CCDC85A: variants seen among roughly 807,000 people sequenced by gnomAD.
The protein encoded by CCDC85A is coiled-coil domain containing 85A, also known as coiled-coil domain-containing protein 85A.
Under a neutral mutation model 50.2 loss-of-function variants are expected in CCDC85A, and 38 were observed. The observed-to-expected ratio is 0.76, with a 90% CI of 0.58 to 0.99. The LOEUF (loss-of-function observed/expected upper bound fraction) is 0.99. Ranked by LOEUF, CCDC85A falls within the 50% of genes least tolerant of loss-of-function variation. CCDC85A has a pLI of 0.00. For synonymous variants in CCDC85A, 366 were observed against 301.4 expected, an observed-to-expected ratio of 1.21 and a Z score of -2.22; for missense variants, 820 against 742.0, an observed-to-expected ratio of 1.11 and a Z score of -1.22.
At chr2:56,297,641 A>G (rs1672015482) in intron 2 of CCDC85A, among the ~76,000 whole-genome samples, 1 of 152,166 alleles carries the variant, frequency 6.6e-6, no homozygotes, top group Non-Finnish European at 1.5e-5. Context: ...GTTCTGTTGC[A>G]GGGGAAAGCC....
At chr2:56,382,974 AG>A (rs557365869) in intron 5 of CCDC85A, among the ~76,000 whole-genome samples, 129 of 152,100 alleles carry the variant, frequency 8.5e-4, no homozygotes, top group African/African-American at 2.9e-3. Flanking sequence ...CAATTTATTA[AG>A]AAATGAGACT....
At chr2:56,298,803 A>G (rs1280917587) in intron 2 of CCDC85A, among the ~76,000 whole-genome samples, 2 of 152,112 alleles carry the variant, frequency 1.3e-5, no homozygotes, top group African/African-American at 4.8e-5. Context: ...CATGCATACC[A>G]CTTCTGTTTA....
chr2:56,354,811 C>T (rs1013882294), intron 3 of CCDC85A, among the ~76,000 whole-genome samples: 5 of 152,124 alleles, frequency 3.3e-5, no homozygotes, highest in African/African-American at 4.8e-5. Flanking sequence ...TACTAGAAGA[C>T]GATTTAGGGT....
At chr2:56,333,345 C>A (rs1224057624) in intron 2 of CCDC85A, among the ~76,000 whole-genome samples, 1 of 152,064 alleles carries the variant, frequency 6.6e-6, no homozygotes, top group Non-Finnish European at 1.5e-5. Flanking sequence ...GAAGAGGGTA[C>A]AACTAAGGCA....
At chr2:56,227,119 G>T (rs775205790) in intron 2 of CCDC85A, among the ~76,000 whole-genome samples, 2 of 151,970 alleles carry the variant, frequency 1.3e-5, no homozygotes, top group Non-Finnish European at 2.9e-5. Context: ...TATTAGTCAG[G>T]CTTCTGAAAT....
Position 56,184,231 on chromosome 2 carries a change from C to A in CCDC85A, c.-394C>A, listed in dbSNP as rs1675889933. The A allele has an allele frequency of 1.0e-6, 1 of 971,258 alleles. No homozygotes were observed. The highest frequency in any genetic ancestry group is 1.2e-6 in the Non-Finnish European group (1 of 811,240). 60.2% of individuals were successfully genotyped at this position (971,258 alleles called of 1,614,324 possible). ...TGTGCGTGCACGCCTGTGTGCAGGG[C>A]AGAGAGTGCGGGGGGCGACAGTCTC... On this transcript the variant is annotated 5_prime_UTR_variant, in exon 1 of 6. Coordinates refer to ENST00000407595, the MANE Select transcript of CCDC85A (RefSeq NM_001080433.2).
At chr2:56,203,604 AAAAGGGAGCT>A (rs1463759122) in intron 2 of CCDC85A, among the ~76,000 whole-genome samples, 1 of 152,178 alleles carries the variant, frequency 6.6e-6, no homozygotes, top group Non-Finnish European at 1.5e-5. Context: ...ATTGATTTGA[AAAAGGGAGCT>A]AAGCTGGTTT....
chr2:56,329,090 C>G (rs1673628255), intron 2 of CCDC85A, among the ~76,000 whole-genome samples: 1 of 152,144 alleles, frequency 6.6e-6, no homozygotes, highest in African/African-American at 2.4e-5. Flanking sequence ...CTGCATCCTC[C>G]CTGTCTTCTC....
In CCDC85A at chr2:56,380,422, C is replaced by A. The variant is rs139524246; in HGVS notation, c.1573-3844C>A. Among the ~76,000 whole-genome samples, 405 of 151,988 alleles carry A rather than the reference C, an allele frequency of 2.7e-3. 2 individuals carry two copies. Among genetic ancestry groups the A allele is most frequent in the African/African-American group, 9.4e-3 (392 of 41,482 alleles). ...ACCTAAAAGATAGTTAGGCCAGGCA[C>A]AGTAGCACACACCTATAGTCCCAGC... On this transcript the variant is annotated intron_variant, in intron 5 of 5. Transcript: ENST00000407595.
intron 2 of CCDC85A, among the ~76,000 whole-genome samples, chr2:56,206,223 T>C (rs184747056): frequency 2.0e-3 from 307 of 152,270 alleles, no homozygotes; most frequent in Non-Finnish European, 3.2e-3. Flanking sequence ...CATAGGAATA[T>C]AAAATGTTCA....
Position 56,184,138 on chromosome 2 carries a change from G to A in CCDC85A, c.-487G>A. ...AGCCGGGGAGGCGCCGCGGTGCCCGGCGCGCCCTCCAAGCTAGGAGAGGGG... is the reference window on the plus strand; with the variant it reads ...AGCCGGGGAGGCGCCGCGGTGCCCGACGCGCCCTCCAAGCTAGGAGAGGGG... On this transcript the variant is annotated 5_prime_UTR_variant, in exon 1 of 6. Coordinates refer to ENST00000407595, the MANE Select transcript of CCDC85A (RefSeq NM_001080433.2). 10 of 985,684 alleles carry A rather than the reference G, an allele frequency of 1.0e-5. No homozygotes were observed. Among genetic ancestry groups the A allele is most frequent in the Non-Finnish European group, 1.2e-5 (10 of 830,232 alleles). 61.1% of individuals were successfully genotyped at this position (985,684 alleles called of 1,614,324 possible).
intron 2 of CCDC85A, among the ~76,000 whole-genome samples, chr2:56,209,267 C>A (rs1403992746): frequency 6.6e-6 from 1 of 152,122 alleles, no homozygotes; most frequent in Non-Finnish European, 1.5e-5. Flanking sequence ...AAACACTCTT[C>A]CCGAGTCTCA....
intron 2 of CCDC85A, among the ~76,000 whole-genome samples, chr2:56,252,455 G>A (rs1204313856): frequency 6.6e-6 from 1 of 152,170 alleles, no homozygotes; most frequent in African/African-American, 2.4e-5. Context: ...TGTGTCAGAT[G>A]TTAATCAAAT....
rs377020827 is a variant in CCDC85A at position 56,192,774 on chromosome 2, A to G, written c.574A>G (p.Ser192Gly). Residue 192 changes from serine to glycine, a missense_variant, in exon 2 of 6, where the codon AGC (serine) becomes GGC (glycine). Ser to Gly is a moderately conservative substitution (Grantham distance 56). Transcript: ENST00000407595. The surrounding 1 kb of genome is among the most constrained non-coding windows in gnomAD (Gnocchi z 4.7). ...CCGCTGCTCCATCGACAGCCAGGCCAGCCTGTGCCAACTCACAGCCTCCAC... is the reference window on the plus strand; with the variant it reads ...CCGCTGCTCCATCGACAGCCAGGCCGGCCTGTGCCAACTCACAGCCTCCAC... ...GSRCSIDSQASLCQLTASTAP... is the reference protein window; with the variant it reads ...GSRCSIDSQAGLCQLTASTAP... 1.9e-4 allele frequency: 308 copies of G among 1,613,010 alleles called. No individual in the cohort carries two copies. The highest frequency in any genetic ancestry group is 2.5e-4 in the Non-Finnish European group (289 of 1,179,536).
intron 2 of CCDC85A, among the ~76,000 whole-genome samples, chr2:56,233,070 G>A (rs1011088451): frequency 1.3e-5 from 2 of 152,148 alleles, no homozygotes; most frequent in African/African-American, 2.4e-5. Flanking sequence ...TAGTGCCTCT[G>A]CCTGGGAACC....
At chr2:56,328,302 A>G (rs1673577487) in intron 2 of CCDC85A, among the ~76,000 whole-genome samples, 1 of 152,170 alleles carries the variant, frequency 6.6e-6, no homozygotes, top group East Asian at 1.9e-4. Context: ...CAAGAGGAAG[A>G]CATAGGAGAT....
chr2:56,318,177 ATTC>A (rs1673005683), intron 2 of CCDC85A, among the ~76,000 whole-genome samples: 1 of 152,088 alleles, frequency 6.6e-6, no homozygotes, highest in Non-Finnish European at 1.5e-5. Context: ...AATGCTTAAT[ATTC>A]TTCTTTCTTA....
At chr2:56,199,231 T>C (rs1676640829) in intron 2 of CCDC85A, among the ~76,000 whole-genome samples, 1 of 152,132 alleles carries the variant, frequency 6.6e-6, no homozygotes, top group Admixed American at 6.5e-5. Context: ...TACAAATGCA[T>C]AAGTACATGA....
chr2:56,203,991 A>G lies in CCDC85A; in HGVS notation c.1240+10551A>G, dbSNP rs73940619. 8.1e-3 allele frequency among the ~76,000 whole-genome samples: 1,235 copies of G among 152,262 alleles called. 11 individuals are homozygous for G. Among genetic ancestry groups the G allele is most frequent in the African/African-American group, 0.028 (1,163 of 41,552 alleles). On this transcript the variant is annotated intron_variant, in intron 2 of 5. Transcript: ENST00000407595. ...TGGCTTTGCCACTTTCTTGCTGTGT[A>G]GCCTTTAGTACACCATCAACCTCTG... is the stretch of plus-strand genomic sequence containing the variant.
Sources: allele counts gnomAD v4.1 joint callset (sites outside exome capture counted in the v4.1 genomes callset), GRCh38; gene constraint gnomAD v4.1.1; non-coding constraint Gnocchi (gnomAD v3.1); transcripts MANE v1.5; gene names NCBI Gene and HGNC (gene_info 2026-07-23, HGNC 2026-07-21).